MYLK3: variants seen among roughly 807,000 people sequenced by gnomAD.
MYLK3 encodes the protein MLC kinase.
MYLK3 carries 55 observed loss-of-function variants against 76.3 expected under a neutral mutation model. That is an observed-to-expected ratio of 0.72 (90% CI 0.58 to 0.90). The LOEUF (loss-of-function observed/expected upper bound fraction) is 0.90, where lower values mean the gene tolerates loss of function less well. MYLK3 is among the 40% of genes least tolerant of loss of function. The probability of loss-of-function intolerance (pLI) is 0.00; values close to 1 mark genes in which losing one functional copy is unlikely to be tolerated. For missense variants in MYLK3, 973 were observed against 1,053.6 expected, an observed-to-expected ratio of 0.92 and a Z score of 1.06; for synonymous variants, 416 against 425.4, an observed-to-expected ratio of 0.98 and a Z score of 0.27.
At chr16:46,755,433 G>A (rs1327423809) in intron 1 of MYLK3, among the ~76,000 whole-genome samples, 1 of 151,428 alleles carries the variant, frequency 6.6e-6, no homozygotes, top group Non-Finnish European at 1.5e-5. Flanking sequence ...ACTCCAGCCT[G>A]GGTGACAAGA....
chr16:46,756,800 G>A (rs1225412711), intron 1 of MYLK3, among the ~76,000 whole-genome samples: 1 of 152,156 alleles, frequency 6.6e-6, no homozygotes. Flanking sequence ...CAGGGCTGTT[G>A]GACATTAACG....
At chr16:46,716,481 G>C (rs1966739969) in intron 9 of MYLK3, among the ~76,000 whole-genome samples, 1 of 138,548 alleles carries the variant, frequency 7.2e-6, no homozygotes, top group Non-Finnish European at 1.5e-5. Context: ...ATATGTGTGT[G>C]TGTATGTGTA....
At chr16:46,719,417 T>A (rs1966777410) in intron 9 of MYLK3, among the ~76,000 whole-genome samples, 1 of 151,972 alleles carries the variant, frequency 6.6e-6, no homozygotes, top group Admixed American at 6.6e-5. Flanking sequence ...AAGCTGGGCA[T>A]ACAACTACTG....
rs1429030104 is a variant in MYLK3, at chr16:46,706,292, TC to T, written c.*1411del. On this transcript the variant is annotated 3_prime_UTR_variant, in exon 13 of 13. Transcript: ENST00000394809. ...GTGTGTATATATACATATACTGTAT[TC>T]TTTTTTTTTTTTTTTTTTGAGACGG... 6.7e-6 allele frequency: 1 copy of T among 150,104 alleles called. No individual in the cohort carries two copies. Among genetic ancestry groups the T allele is most frequent in the Admixed American group, 6.6e-5 (1 of 15,094 alleles). 9.3% of individuals were successfully genotyped at this position (150,104 alleles called of 1,614,324 possible).
At chr16:46,721,266 G>A in intron 8 of MYLK3, 73 bp from the exon 9 acceptor site, 3 of 1,425,810 alleles carry the variant, frequency 2.1e-6, no homozygotes, top group Non-Finnish European at 3.0e-6. Flanking sequence ...TTGTCTATAG[G>A]CCTCTGTTTT....
chr16:46,703,180 T>TG lies in MYLK3; in HGVS notation c.*4523_*4524insC, dbSNP rs1453156595. 7.9e-5 allele frequency among the ~76,000 whole-genome samples: 12 copies of TG among 152,316 alleles called. No individual in the cohort carries two copies. The highest frequency in any genetic ancestry group is 2.6e-4 in the African/African-American group (11 of 41,572). ...GGCTTTCAGTATATCTAGATCTATC[T>TG]ATAACAGCTGTGAGGTATTCCACTA... On this transcript the variant is annotated 3_prime_UTR_variant, in exon 13 of 13. Coordinates refer to ENST00000394809, the MANE Select transcript of MYLK3 (RefSeq NM_182493.3).
chr16:46,748,126 G>T lies in MYLK3; in HGVS notation c.68C>A (p.Thr23Lys). The stretch of plus-strand genomic sequence containing the variant: ...CATGTTCAGCTTTGTGTCCATGGTT[G>T]TTAAGCAGGTCTTGCCCAACCCTGG... Reference protein sequence around the residue: ...GLPGLGKTCLTTMDTKLNMLN... With the variant: ...GLPGLGKTCLKTMDTKLNMLN... Residue 23 changes from threonine (T) to lysine (K), a missense_variant, in exon 1 of 13, where the codon ACA (threonine) becomes AAA (lysine). Coordinates refer to ENST00000394809, the MANE Select transcript of MYLK3 (RefSeq NM_182493.3). The surrounding 1 kb of genome is among the most constrained non-coding windows in gnomAD (Gnocchi z 4.3). The T allele has an allele frequency of 6.2e-7, 1 of 1,614,266 alleles. No homozygotes were observed. Among genetic ancestry groups the T allele is most frequent in the Non-Finnish European group, 8.5e-7 (1 of 1,180,044 alleles).
chr16:46,721,095 T>C, intron 9 of MYLK3, 28 bp downstream of exon 9: 1 of 1,602,074 alleles, frequency 6.2e-7, no homozygotes, highest in East Asian at 2.2e-5. Flanking sequence ...AGGAATTTTG[T>C]TAAGGTATCT....
rs376883865 is a variant in MYLK3, at chr16:46,748,071, G to A, written c.123C>T (p.His41=). ...ACTTCTCTGTGACATCTTCTTGGAA[G>A]TGCAGGAGCTGGTCCACCTTCTCGT... ...MLNEKVDQLL[H]FQEDVTEKLQ... is the part of the protein sequence containing the mutation. Residue 41 remains histidine, a synonymous_variant, in exon 1 of 13, where the codon CAC becomes CAT. Coordinates refer to ENST00000394809, the MANE Select transcript of MYLK3 (RefSeq NM_182493.3). The surrounding 1 kb of genome is among the most constrained non-coding windows in gnomAD (Gnocchi z 4.3). The A allele has an allele frequency of 1.2e-6, 2 of 1,614,152 alleles. No individual in the cohort carries two copies. The highest frequency in any genetic ancestry group is 2.7e-5 in the African/African-American group (2 of 74,962).
chr16:46,745,686 C>T (rs1967009578), intron 1 of MYLK3, among the ~76,000 whole-genome samples: 1 of 152,142 alleles, frequency 6.6e-6, no homozygotes, highest in African/African-American at 2.4e-5. Context: ...GTGGAGATTG[C>T]AGTCAGTCGA....
At chr16:46,752,965 A>G (rs1567293359), upstream of MYLK3, among the ~76,000 whole-genome samples, 1 of 152,222 alleles carries the variant, frequency 6.6e-6, no homozygotes. Context: ...TCCCCTCCAG[A>G]GACTTCACGG....
chr16:46,739,148 T>C (rs528566757), intron 2 of MYLK3, among the ~76,000 whole-genome samples: 24 of 152,156 alleles, frequency 1.6e-4, no homozygotes, highest in Admixed American at 1.6e-3. Flanking sequence ...GCCTCTTATT[T>C]TGAAGTAAAA....
At chr16:46,712,133 G>A (rs542031966) in intron 10 of MYLK3, among the ~76,000 whole-genome samples, 2 of 152,084 alleles carry the variant, frequency 1.3e-5, no homozygotes, top group South Asian at 4.2e-4. Flanking sequence ...TGGGACGATA[G>A]GCACGCACCA....
intron 9 of MYLK3, among the ~76,000 whole-genome samples, chr16:46,718,973 G>C (rs1966772663): frequency 6.6e-6 from 1 of 152,038 alleles, no homozygotes; most frequent in Admixed American, 6.5e-5. Flanking sequence ...CCAGCCATTA[G>C]GAGAGAGAAG....
In MYLK3 at chr16:46,747,996, C is replaced by A. The variant is rs1230378296; in HGVS notation, c.198G>T (p.Arg66Ser). 1 of 1,613,622 alleles carries A rather than the reference C, an allele frequency of 6.2e-7. No homozygotes were observed. Among genetic ancestry groups the A allele is most frequent in the Non-Finnish European group, 8.5e-7 (1 of 1,179,990 alleles). ...DMGHLERGLH[R>S]LEASRAPGPG... The stretch of plus-strand genomic sequence containing the variant: ...GGCCCGGTGCCCGGGAGGCCTCCAG[C>A]CTGTGCAGGCCCCGCTCCAGGTGGC... The change falls in exon 1 of 13, where the codon AGG becomes AGT. Residue 66 changes from arginine to serine, a missense_variant. Arg to Ser is a moderately radical substitution (Grantham distance 110). Transcript: ENST00000394809.
At chr16:46,733,532 C>T (rs988780842) in intron 3 of MYLK3, among the ~76,000 whole-genome samples, 5 of 152,168 alleles carry the variant, frequency 3.3e-5, no homozygotes, top group African/African-American at 9.7e-5. Context: ...TCACTTCACT[C>T]ATTTTCACTG....
chr16:46,707,421 C>T lies in MYLK3; in HGVS notation c.*283G>A. ...TTTAAATTCGACAGATGCAAAGTAC[C>T]TACCTAAAGCATCCCTACACTTACC... is the stretch of plus-strand genomic sequence containing the variant. On this transcript the variant is annotated 3_prime_UTR_variant, in exon 13 of 13. Coordinates refer to ENST00000394809, the MANE Select transcript of MYLK3 (RefSeq NM_182493.3). 2 of 309,212 alleles carry T rather than the reference C, an allele frequency of 6.5e-6. No homozygotes were observed. Among genetic ancestry groups the T allele is most frequent in the Non-Finnish European group, 1.2e-5 (2 of 169,898 alleles). 19.2% of individuals were successfully genotyped at this position (309,212 alleles called of 1,614,324 possible).
In MYLK3 at chr16:46,710,835, C is replaced by T. The variant is rs1278499081; in HGVS notation, c.2115-46G>A. 11 of 1,610,126 alleles carry T rather than the reference C, an allele frequency of 6.8e-6. No homozygotes were observed. The Admixed American group carries it at 1.8e-4, about 27-fold the overall frequency. On this transcript the variant is annotated intron_variant, in intron 10 of 12. Coordinates refer to ENST00000394809, the MANE Select transcript of MYLK3 (RefSeq NM_182493.3). ...CATCAGTAGGTGGAGGCCACATTTG[C>T]CAACATGCATTGGCAGAATAGAGAA...
Position 46,707,457 on chromosome 16 carries a change from G to C in MYLK3, c.*247C>G, listed in dbSNP as rs1047598151. ...ATCCCTACACTTACCACCAAAAGTA[G>C]GTATATTTGAAAGGTACTCAGAGCA... On this transcript the variant is annotated 3_prime_UTR_variant, in exon 13 of 13. Coordinates refer to ENST00000394809, the MANE Select transcript of MYLK3 (RefSeq NM_182493.3). 1.2e-5 allele frequency: 5 copies of C among 427,414 alleles called. No homozygotes were observed. The highest frequency in any genetic ancestry group is 1.7e-5 in the Non-Finnish European group (4 of 241,104). 26.5% of individuals were successfully genotyped at this position (427,414 alleles called of 1,614,324 possible).
Sources: allele counts gnomAD v4.1 joint callset (sites outside exome capture counted in the v4.1 genomes callset), GRCh38; gene constraint gnomAD v4.1.1; non-coding constraint Gnocchi (gnomAD v3.1); transcripts MANE v1.5; gene names NCBI Gene and HGNC (gene_info 2026-07-23, HGNC 2026-07-21).